SLC10A7: variants seen among roughly 807,000 people sequenced by gnomAD.
SLC10A7 encodes sodium/bile acid cotransporter 7.
A neutral mutation model predicts 43.2 loss-of-function variants in SLC10A7; 29 were observed. The observed-to-expected ratio is 0.67, with a 90% CI of 0.50 to 0.92. The LOEUF (loss-of-function observed/expected upper bound fraction) is 0.92. Among genes scored for constraint, SLC10A7 ranks in the 40% least tolerant of loss-of-function variants. The pLI is 0.00. For missense variants in SLC10A7, 295 were observed against 403.2 expected (o/e 0.73, Z 2.30); for synonymous variants, 152 against 144.8 (o/e 1.05, Z -0.35).
chr4:146,477,940 T>C (rs913236333), intron 4 of SLC10A7: 1 of 152,208 alleles, frequency 6.6e-6, no homozygotes, highest in Non-Finnish European at 1.5e-5. Flanking sequence ...GAATAATGGC[T>C]TAGAGATTTC....
intron 5 of SLC10A7, among the ~76,000 whole-genome samples, chr4:146,420,462 G>C (rs778951590): frequency 6.6e-6 from 1 of 152,064 alleles, no homozygotes; most frequent in Non-Finnish European, 1.5e-5. Context: ...CTTAAAAAAC[G>C]TACTTATTAG....
chr4:146,298,438 A>G (rs1472397343), intron 7 of SLC10A7, among the ~76,000 whole-genome samples: 1 of 152,212 alleles, frequency 6.6e-6, no homozygotes, highest in Non-Finnish European at 1.5e-5. Context: ...TGGAAGACTA[A>G]TATGAAAGGC....
intron 4 of SLC10A7, among the ~76,000 whole-genome samples, chr4:146,458,282 T>G (rs544294172): frequency 2.0e-5 from 3 of 151,744 alleles, no homozygotes; most frequent in Non-Finnish European, 4.4e-5. Flanking sequence ...CAATATATAT[T>G]GATGATAAAA....
chr4:146,414,721 TA>T lies in SLC10A7; in HGVS notation c.435+28061del, dbSNP rs111567819. ...CTGGGAGAAAAAGCAAGACTCCATC[TA>T]AAAAAAAAAAAAACTCACTGAGAAA... On this transcript the variant is annotated intron_variant, in intron 5 of 11. Coordinates refer to ENST00000335472, the MANE Select transcript of SLC10A7 (RefSeq NM_001029998.6). Among the ~76,000 whole-genome samples the T allele has an allele frequency of 9.0e-3, 1,275 of 141,584 alleles. 12 individuals are homozygous for T. Among genetic ancestry groups the T allele is most frequent in the African/African-American group, 0.028 (1,074 of 38,980 alleles). The allele number at this position is 141,584 out of a possible 152,430, so 92.9% of individuals were successfully genotyped here. A position where few individuals can be genotyped will look rare whatever the true frequency, so the allele number is the denominator to read the frequency against.
intron 5 of SLC10A7, among the ~76,000 whole-genome samples, chr4:146,403,906 A>G (rs1330878697): frequency 6.6e-6 from 1 of 152,236 alleles, no homozygotes; most frequent in Non-Finnish European, 1.5e-5. Context: ...TACCAAGTCC[A>G]TGATGGCTTT....
At chr4:146,442,423 G>A in intron 5 of SLC10A7, 3 of 1,021,680 alleles carry the variant, frequency 2.9e-6, no homozygotes, top group Non-Finnish European at 3.5e-6. Flanking sequence ...GACCAGCTGG[G>A]TCATGTTTCC....
At chr4:146,513,230 A>G (rs1381577871) in intron 2 of SLC10A7, among the ~76,000 whole-genome samples, 1 of 152,008 alleles carries the variant, frequency 6.6e-6, no homozygotes, top group Non-Finnish European at 1.5e-5. Flanking sequence ...AGTAACGTAT[A>G]CATTTTTGTT....
At position 146,521,645 on chromosome 4, in the gene SLC10A7, G is replaced by A. The variant is rs2150069738; in HGVS notation, c.73C>T (p.Leu25=). 1 of 1,614,178 alleles carries A rather than the reference G, an allele frequency of 6.2e-7. No individual in the cohort carries two copies. The highest frequency in any genetic ancestry group is 2.2e-5 in the East Asian group (1 of 44,880). The change falls in exon 1 of 12, where the codon CTG becomes TTG. Residue 25 remains leucine, a synonymous_variant. Coordinates refer to ENST00000335472, the MANE Select transcript of SLC10A7 (RefSeq NM_001029998.6). ...CCATTCACCCCTATGGACGGCTCCA[G>A]TTTAGCTCCAGCGATCGCCAGCACT... The part of the protein sequence containing the change: ...GIVLAIAGAK[L]EPSIGVNGGP...
At chr4:146,412,155 C>CA (rs11393091) in intron 5 of SLC10A7, among the ~76,000 whole-genome samples, 78,729 of 150,876 alleles carry the variant, frequency 0.52, 21,097 homozygotes, top group East Asian at 0.78. Flanking sequence ...TCCATCTAGC[C>CA]AAAAAAAAAT....
At chr4:146,285,433 G>A (rs1166551275) in intron 9 of SLC10A7, among the ~76,000 whole-genome samples, 4 of 152,110 alleles carry the variant, frequency 2.6e-5, no homozygotes, top group Admixed American at 6.6e-5. Context: ...CAGGCTTTTG[G>A]AGCAAACACA....
At chr4:146,493,134 G>T (rs1256567401) in intron 4 of SLC10A7, among the ~76,000 whole-genome samples, 1 of 151,950 alleles carries the variant, frequency 6.6e-6, no homozygotes, top group Non-Finnish European at 1.5e-5. Flanking sequence ...ACTTGAAAAA[G>T]GCACATGCCC....
intron 4 of SLC10A7, among the ~76,000 whole-genome samples, chr4:146,476,528 C>T (rs1298236943): frequency 3.3e-5 from 5 of 151,810 alleles, no homozygotes; most frequent in Admixed American, 2.0e-4. Context: ...TTGGGGTGAA[C>T]GGTAAAGGGG....
intron 4 of SLC10A7, among the ~76,000 whole-genome samples, chr4:146,496,881 G>A (rs975721454): frequency 3.3e-5 from 5 of 152,088 alleles, no homozygotes; most frequent in South Asian, 2.1e-4. Flanking sequence ...CCTGTAAGAC[G>A]TTATTATCCT....
chr4:146,511,623 A>G (rs1310493162), intron 2 of SLC10A7, among the ~76,000 whole-genome samples: 1 of 152,234 alleles, frequency 6.6e-6, no homozygotes, highest in East Asian at 1.9e-4. Context: ...CCTTCCTGTT[A>G]GGTCACAAGA....
intron 4 of SLC10A7, among the ~76,000 whole-genome samples, chr4:146,491,817 C>T (rs1192447507): frequency 1.3e-5 from 2 of 152,132 alleles, no homozygotes; most frequent in Admixed American, 6.6e-5. Flanking sequence ...GCTCAGCCCA[C>T]TCAATATATT....
At position 146,305,944 on chromosome 4, in the gene SLC10A7, A is replaced by G; in HGVS notation, c.537T>C (p.Val179=). The change falls in exon 7 of 12, where the codon GTT becomes GTC. Residue 179 remains valine, a synonymous_variant. Coordinates refer to ENST00000335472, the MANE Select transcript of SLC10A7 (RefSeq NM_001029998.6). ...IFSQLFMTVV[V]PLIIGQIVRR... ...GCCTTACCTGTCCAATGATGAGAGG[A>G]ACCACAACAGTCATAAAAAGCTGAG... 6.2e-7 allele frequency: 1 copy of G among 1,610,410 alleles called. No individual in the cohort carries two copies.
chr4:146,371,878 G>A (rs1355614170), intron 5 of SLC10A7, among the ~76,000 whole-genome samples: 2 of 152,106 alleles, frequency 1.3e-5, no homozygotes, highest in Non-Finnish European at 2.9e-5. Flanking sequence ...CCAGATGGTT[G>A]GGGATGGCTC....
At chr4:146,292,904 TAAC>T in intron 9 of SLC10A7, 22 bp downstream of exon 9, 1 of 1,524,226 alleles carries the variant, frequency 6.6e-7, no homozygotes, top group South Asian at 1.2e-5. Context: ...AGAAAACTAA[TAAC>T]AAGAGATACC....
At position 146,256,406 on chromosome 4, in the gene SLC10A7, ACATTCACAAGT is replaced by A. The variant is rs1727886718; in HGVS notation, c.*74_*84del. 1 of 1,306,210 alleles carries A rather than the reference ACATTCACAAGT, an allele frequency of 7.7e-7. No homozygotes were observed. Among genetic ancestry groups the A allele is most frequent in the African/African-American group, 1.5e-5 (1 of 68,006 alleles). 80.9% of individuals were successfully genotyped at this position (1,306,210 alleles called of 1,614,324 possible). A position where few individuals can be genotyped will look rare whatever the true frequency, so the allele number is the denominator to read the frequency against. ...AAAAAATAAAATATGCATTGAGGCA[ACATTCACAAGT>A]ACAAGTCTTCAGAATTGCTAGTATG... On this transcript the variant is annotated 3_prime_UTR_variant, in exon 12 of 12. Coordinates refer to ENST00000335472, the MANE Select transcript of SLC10A7 (RefSeq NM_001029998.6).
Sources: allele counts gnomAD v4.1 joint callset (sites outside exome capture counted in the v4.1 genomes callset), GRCh38; gene constraint gnomAD v4.1.1; transcripts MANE v1.5; gene names NCBI Gene and HGNC (gene_info 2026-07-23, HGNC 2026-07-21).